The following VPS13B variants were observed in gnomAD, a reference collection of about 807,000 sequenced individuals.
VPS13B encodes vacuolar protein sorting 13 homolog B, also known as intermembrane lipid transfer protein VPS13B.
A neutral mutation model predicts 426.4 loss-of-function variants in VPS13B; 285 were observed. The observed-to-expected ratio is 0.67, with a 90% CI of 0.61 to 0.74. VPS13B has a LOEUF of 0.74. Among genes scored for constraint, VPS13B ranks in the 30% least tolerant of loss-of-function variants. The pLI, the probability that VPS13B is intolerant of heterozygous loss-of-function variation, is 0.00. For synonymous variants in VPS13B, 1,676 were observed against 1,676.4 expected (o/e 1.00, Z 0.01); for missense variants, 4,537 against 4,782.6 (o/e 0.95, Z 1.51).
chr8:99,560,034 T>C (rs948431351), intron 31 of VPS13B, among the ~76,000 whole-genome samples: 3 of 152,164 alleles, frequency 2.0e-5, no homozygotes, highest in African/African-American at 4.8e-5. Context: ...TCTTCCTATC[T>C]GTGAGCATGG....
intron 23 of VPS13B, among the ~76,000 whole-genome samples, chr8:99,445,790 T>A (rs1353950810): frequency 6.6e-6 from 1 of 152,146 alleles, no homozygotes; most frequent in African/African-American, 2.4e-5. Context: ...TTGAGGTTAT[T>A]GTCATAAATT....
chr8:99,555,976 G>A (rs1824540623), intron 30 of VPS13B, among the ~76,000 whole-genome samples: 2 of 152,092 alleles, frequency 1.3e-5, no homozygotes, highest in East Asian at 3.9e-4. Flanking sequence ...TCAGAAGAAA[G>A]TAGACGATTA....
At chr8:99,397,001 A>G (rs1814759060) in intron 21 of VPS13B, among the ~76,000 whole-genome samples, 1 of 152,250 alleles carries the variant, frequency 6.6e-6, no homozygotes, top group South Asian at 2.1e-4. Flanking sequence ...CTCCAAGAGA[A>G]GTAAATATGA....
chr8:99,585,392 A>C (rs1241298018), intron 33 of VPS13B, among the ~76,000 whole-genome samples: 1 of 152,162 alleles, frequency 6.6e-6, no homozygotes, highest in Non-Finnish European at 1.5e-5. Context: ...AAAAAATGAA[A>C]ACTGCAGACT....
intron 19 of VPS13B, among the ~76,000 whole-genome samples, chr8:99,309,314 G>A (rs1254778631): frequency 6.6e-6 from 1 of 152,066 alleles, no homozygotes; most frequent in Admixed American, 6.6e-5. Context: ...TATGGTTTTA[G>A]GTCTAACATG....
rs765302278 is a variant in VPS13B at position 99,818,823 on chromosome 8, AG to A, written c.8559del (p.Gln2854ArgfsTer8). 3.1e-6 allele frequency: 5 copies of A among 1,613,928 alleles called. No homozygotes were observed. In the African/African-American group the frequency reaches 6.7e-5, roughly 22 times the overall value. On this transcript the variant is annotated frameshift_variant, in exon 47 of 62. Coordinates refer to ENST00000357162, the MANE Select transcript of VPS13B (RefSeq NM_152564.5). LOFTEE classifies it high-confidence loss of function. Reference sequence around the variant, plus strand: ...GTGAAACACAAATTATTCCAGGAAAAGGGCAGGAAAAACCACTGCAAAACAT... The same window carrying A: ...GTGAAACACAAATTATTCCAGGAAAAGGCAGGAAAAACCACTGCAAAACAT... ...LSETQIIPGKGQEKPLQNIEP... is the reference protein window; with the variant it reads ...LSETQIIPGKXQEKPLQNIEP...
At chr8:99,318,109 C>A (rs1163259879) in intron 19 of VPS13B, among the ~76,000 whole-genome samples, 1 of 152,118 alleles carries the variant, frequency 6.6e-6, no homozygotes, top group Admixed American at 6.5e-5. Context: ...TAATTTACTG[C>A]CTTTGCAAAT....
chr8:99,558,637 C>T (rs1337910152), intron 31 of VPS13B, among the ~76,000 whole-genome samples: 1 of 152,072 alleles, frequency 6.6e-6, no homozygotes, highest in Non-Finnish European at 1.5e-5. Flanking sequence ...TCAATTCCCA[C>T]CTATGAGTGA....
At chr8:99,161,705 A>C (rs912912150) in intron 15 of VPS13B, among the ~76,000 whole-genome samples, 8 of 147,980 alleles carry the variant, frequency 5.4e-5, no homozygotes, top group Non-Finnish European at 1.0e-4. Context: ...TGGGAAAACC[A>C]TTCCCTGGTG....
intron 8 of VPS13B, among the ~76,000 whole-genome samples, chr8:99,122,950 TAA>T (rs1367192547): frequency 2.1e-5 from 3 of 142,196 alleles, no homozygotes; most frequent in African/African-American, 2.6e-5. Context: ...CCATCTCTAC[TAA>T]AAAAAAAAAA....
intron 19 of VPS13B, among the ~76,000 whole-genome samples, chr8:99,332,116 C>G (rs968895808): frequency 6.6e-6 from 1 of 151,484 alleles, no homozygotes; most frequent in Non-Finnish European, 1.5e-5. Context: ...TTTCTTATAA[C>G]ATATTGATAA....
rs963841622 is a variant in VPS13B, at chr8:99,577,741, T to G, written c.5220+108T>G. ...CTGCTTTCTGCTTAATTATTCTGTG[T>G]TTAACTTTATTCAAAATATAGTCAT... On this transcript the variant is annotated intron_variant, in intron 33 of 61. Coordinates refer to ENST00000357162, the MANE Select transcript of VPS13B (RefSeq NM_152564.5). The G allele has an allele frequency of 2.4e-5, 33 of 1,376,764 alleles. No homozygotes were observed. The African/African-American group carries it at 4.4e-4, about 19-fold the overall frequency. 85.3% of individuals were successfully genotyped at this position (1,376,764 alleles called of 1,614,324 possible).
intron 5 of VPS13B, among the ~76,000 whole-genome samples, chr8:99,107,113 A>G (rs554668245): frequency 4.6e-5 from 7 of 152,294 alleles, no homozygotes; most frequent in East Asian, 1.9e-4. Context: ...TAGTTTTTTC[A>G]TAATAGTAAT....
intron 31 of VPS13B, among the ~76,000 whole-genome samples, chr8:99,568,288 TTA>T (rs1470858716): frequency 1.4e-5 from 2 of 146,256 alleles, no homozygotes; most frequent in Non-Finnish European, 1.5e-5. Flanking sequence ...ATTATTATTA[TTA>T]TTATTATTAT....
At position 99,384,285 on chromosome 8, in the gene VPS13B, C is replaced by A; in HGVS notation, c.2902C>A (p.Pro968Thr). ...PILYTWLIYQ[P>T]QKRTSRHMQQ... The stretch of plus-strand genomic sequence containing the variant: ...CTTATATACGTGGCTCATCTATCAG[C>A]CTCAGAAACGAACAAGTAGACATAT... The change falls in exon 20 of 62, where the codon CCT becomes ACT. Residue 968 changes from proline (P) to threonine (T), a missense_variant. Pro to Thr is a conservative substitution (Grantham distance 38). This residue lies in a region of VPS13B where 4,311 missense variants were observed against 4,474.3 expected (regional missense o/e 0.96). Transcript: ENST00000357162. The A allele has an allele frequency of 6.2e-7, 1 of 1,613,824 alleles. No individual in the cohort carries two copies. The highest frequency in any genetic ancestry group is 1.1e-5 in the South Asian group (1 of 91,074).
At chr8:99,679,829 A>G (rs1563859269) in intron 35 of VPS13B, among the ~76,000 whole-genome samples, 1 of 152,196 alleles carries the variant, frequency 6.6e-6, no homozygotes, top group Non-Finnish European at 1.5e-5. Context: ...GAATACCTTT[A>G]CTTGAACACT....
chr8:99,366,050 G>A (rs1222336914), intron 19 of VPS13B, among the ~76,000 whole-genome samples: 2 of 151,814 alleles, frequency 1.3e-5, no homozygotes, highest in South Asian at 2.1e-4. Flanking sequence ...ATGTGCTAAA[G>A]AGAAGAATTT....
chr8:99,640,066 G>A (rs1235438015), intron 33 of VPS13B, among the ~76,000 whole-genome samples: 5 of 124,194 alleles, frequency 4.0e-5, no homozygotes, highest in African/African-American at 1.5e-4. Flanking sequence ...GAAAAGAAAA[G>A]AAAAGAAAAG....
intron 30 of VPS13B, among the ~76,000 whole-genome samples, chr8:99,541,154 G>T (rs1333541524): frequency 6.6e-6 from 1 of 151,914 alleles, no homozygotes; most frequent in African/African-American, 2.4e-5. Context: ...GATTACCAAA[G>T]AATATTGTTT....
Sources: gnomAD v4.1 joint callset for allele counts (sites outside exome capture counted in the v4.1 genomes callset) on GRCh38, gnomAD v4.1.1 for gene constraint, gnomAD v4.1.1 regional missense constraint, MANE v1.5 for transcripts, NCBI Gene and HGNC (gene_info 2026-07-23, HGNC 2026-07-21) for gene names.